The following CLCA1 variants were observed in gnomAD, a reference collection of about 807,000 sequenced individuals.
CLCA1 encodes the protein chloride channel accessory 1, also known as calcium-activated chloride channel regulator 1.
A neutral mutation model predicts 85.6 loss-of-function variants in CLCA1; 59 were observed. That is an observed-to-expected ratio of 0.69 (90% confidence interval 0.56 to 0.86). The LOEUF (loss-of-function observed/expected upper bound fraction) is 0.86. Among genes scored for constraint, CLCA1 ranks in the 40% least tolerant of loss-of-function variants. The probability of loss-of-function intolerance (pLI) is 0.00; values close to 1 mark genes in which losing one functional copy is unlikely to be tolerated. For missense variants in CLCA1, 1,022 were observed against 1,101.4 expected (o/e 0.93, Z 1.02); for synonymous variants, 396 against 398.3 (o/e 0.99, Z 0.07).
chr1:86,472,223 C>T (rs1334707282), intron 1 of CLCA1, among the ~76,000 whole-genome samples: 5 of 152,126 alleles, frequency 3.3e-5, no homozygotes, highest in East Asian at 1.9e-4. Context: ...ACCACTCTTA[C>T]GGAGCTGCTG....
Position 86,486,719 on chromosome 1 carries a change from C to T in CLCA1, c.1148C>T (p.Thr383Met), listed in dbSNP as rs375936173. 2.0e-5 allele frequency: 33 copies of T among 1,614,154 alleles called. No individual in the cohort carries two copies. Among genetic ancestry groups the T allele is most frequent in the Non-Finnish European group, 2.7e-5 (32 of 1,179,994 alleles). The change falls in exon 7 of 14, where the codon ACG (threonine) becomes ATG (methionine). Residue 383 changes from threonine to methionine, a missense_variant. By Grantham distance (81) the Thr-to-Met change is moderately conservative (BLOSUM62 -1). Coordinates refer to ENST00000394711, the MANE Select transcript of CLCA1 (RefSeq NM_001285.4). ...TTACCTGCAGCAGCTTCAGGAGGGA[C>T]GTCCATCTGCAGCGGGCTTCGATCG... ...KRLPAAASGGTSICSGLRSAF... is the reference protein window; with the variant it reads ...KRLPAAASGGMSICSGLRSAF...
intron 5 of CLCA1, among the ~76,000 whole-genome samples, chr1:86,482,843 A>G (rs1472541688): frequency 6.6e-6 from 1 of 152,182 alleles, no homozygotes; most frequent in Admixed American, 6.5e-5. Context: ...TACATTAGGG[A>G]GTTTACACAT....
chr1:86,498,465 G>A, intron 12 of CLCA1, 107 bp from the exon 13 acceptor site: 1 of 1,095,960 alleles, frequency 9.1e-7, no homozygotes, highest in Non-Finnish European at 1.3e-6. Context: ...TGGAAGGAAA[G>A]AAGCAGAAGT....
chr1:86,486,662 G>C lies in CLCA1; in HGVS notation c.1091G>C (p.Ser364Thr), dbSNP rs1274941700. The C allele has an allele frequency of 1.2e-6, 2 of 1,614,080 alleles. No individual in the cohort carries two copies. The highest frequency in any genetic ancestry group is 1.7e-6 in the Non-Finnish European group (2 of 1,180,026). Residue 364 changes from serine to threonine, a missense_variant, in exon 7 of 14, where the codon AGT (serine) becomes ACT (threonine). Physicochemically the swap from Ser to Thr is moderately conservative, Grantham distance 58. Coordinates refer to ENST00000394711, the MANE Select transcript of CLCA1 (RefSeq NM_001285.4). ...CAAAATGAACTCATACAGATAAACA[G>C]TGGCAGTGACAGGGACACACTCGCC... ...HVQNELIQINSGSDRDTLAKR... is the reference protein window; with the variant it reads ...HVQNELIQINTGSDRDTLAKR...
chr1:86,471,839 T>C (rs1350338629), intron 1 of CLCA1, among the ~76,000 whole-genome samples: 1 of 151,940 alleles, frequency 6.6e-6, no homozygotes, highest in Non-Finnish European at 1.5e-5. Flanking sequence ...GTTCTTTAAG[T>C]TTACCCCTTA....
chr1:86,495,818 C>A, intron 12 of CLCA1, 143 bp downstream of exon 12: 2 of 762,654 alleles, frequency 2.6e-6, no homozygotes, highest in Non-Finnish European at 2.0e-6. Context: ...GCCAGACAAT[C>A]CTTTGTTGTG....
At chr1:86,473,600 TA>T (rs1204867417) in intron 2 of CLCA1, 43 bp downstream of exon 2, 1 of 1,517,564 alleles carries the variant, frequency 6.6e-7, no homozygotes, top group East Asian at 2.3e-5. Context: ...CTTTCTCCTG[TA>T]ACCAAGATTT....
intron 5 of CLCA1, 145 bp downstream of exon 5, chr1:86,482,527 C>T (rs1038086001): frequency 1.6e-5 from 12 of 760,590 alleles, no homozygotes; most frequent in Non-Finnish European, 2.3e-5. Context: ...GTGTGCAAGT[C>T]AAGGATAAAG....
At chr1:86,486,807 A>G (rs2101740025) in intron 7 of CLCA1, 54 bp downstream of exon 7, 1 of 1,507,030 alleles carries the variant, frequency 6.6e-7, no homozygotes, top group South Asian at 1.1e-5. Flanking sequence ...ATGTTGCTTA[A>G]CAAACTTCCA....
chr1:86,485,648 A>G (rs1050654152), intron 6 of CLCA1, 87 bp downstream of exon 6: 2 of 1,200,248 alleles, frequency 1.7e-6, no homozygotes, highest in Non-Finnish European at 2.5e-6. Context: ...GCGAATAAAC[A>G]TAACCCGAGG....
chr1:86,487,160 C>T (rs1648004161), intron 7 of CLCA1, among the ~76,000 whole-genome samples: 1 of 152,176 alleles, frequency 6.6e-6, no homozygotes, highest in Non-Finnish European at 1.5e-5. Flanking sequence ...TATCAGTTCC[C>T]TGAAAGTGGT....
chr1:86,480,305 G>A (rs756939312), intron 4 of CLCA1, among the ~76,000 whole-genome samples: 1 of 152,114 alleles, frequency 6.6e-6, no homozygotes, highest in African/African-American at 2.4e-5. Context: ...GCTTAGTATT[G>A]TAGCACATAA....
In CLCA1 at chr1:86,489,072, G is replaced by T; in HGVS notation, c.1259G>T (p.Gly420Val). The change falls in exon 8 of 14, where the codon GGG (glycine) becomes GTG (valine). Residue 420 changes from glycine (G) to valine (V), a missense_variant. Coordinates refer to ENST00000394711, the MANE Select transcript of CLCA1 (RefSeq NM_001285.4). ...LTDGEDNTIS[G>V]CFNEVKQSGA... Reference sequence around the variant, plus strand: ...GATGGGGAAGACAACACTATAAGTGGGTGCTTTAACGAGGTCAAACAAAGT... The same window carrying T: ...GATGGGGAAGACAACACTATAAGTGTGTGCTTTAACGAGGTCAAACAAAGT... The T allele has an allele frequency of 6.2e-7, 1 of 1,614,042 alleles. No homozygotes were observed. Among genetic ancestry groups the T allele is most frequent in the Non-Finnish European group, 8.5e-7 (1 of 1,179,984 alleles).
At position 86,473,403 on chromosome 1, in the gene CLCA1, CT is replaced by C; in HGVS notation, c.163-9del. 1 of 1,513,504 alleles carries C rather than the reference CT, an allele frequency of 6.6e-7. No individual in the cohort carries two copies. Among genetic ancestry groups the C allele is most frequent in the Non-Finnish European group, 9.0e-7 (1 of 1,117,174 alleles). The allele number at this position is 1,513,504 out of a possible 1,614,324, so 93.8% of individuals were successfully genotyped here. A position where few individuals can be genotyped will look rare whatever the true frequency, so the allele number is the denominator to read the frequency against. ...TTCAGTCAATTGTTACGTATGTTTT[CT>C]TTTTCTTCCCAGGACATGGTGACCC... On this transcript the variant is annotated splice_polypyrimidine_tract_variant and intron_variant, in intron 1 of 13. Coordinates refer to ENST00000394711, the MANE Select transcript of CLCA1 (RefSeq NM_001285.4).
intron 4 of CLCA1, among the ~76,000 whole-genome samples, chr1:86,477,189 C>G (rs529839199): frequency 6.6e-4 from 101 of 152,264 alleles, no homozygotes; most frequent in Middle Eastern, 6.8e-3. Flanking sequence ...CTCCTGGACT[C>G]AAGAGATCCT....
chr1:86,496,375 T>C (rs1648286195), intron 12 of CLCA1, among the ~76,000 whole-genome samples: 1 of 152,136 alleles, frequency 6.6e-6, no homozygotes, highest in Admixed American at 6.5e-5. Context: ...CCAGGGAGCA[T>C]AGTAGATGAA....
chr1:86,498,222 G>A (rs1408887919), intron 12 of CLCA1, among the ~76,000 whole-genome samples: 1 of 148,264 alleles, frequency 6.7e-6, no homozygotes, highest in Non-Finnish European at 1.5e-5. Context: ...AACAGATGTA[G>A]TATTTAAACT....
chr1:86,491,200 C>T, intron 8 of CLCA1, 65 bp from the exon 9 acceptor site: 1 of 1,156,796 alleles, frequency 8.6e-7, no homozygotes, highest in Non-Finnish European at 1.3e-6. Context: ...CTCTAAACAA[C>T]AGCTAAAATG....
intron 3 of CLCA1, among the ~76,000 whole-genome samples, chr1:86,474,595 G>T (rs963840327): frequency 6.6e-6 from 1 of 151,738 alleles, no homozygotes; most frequent in Non-Finnish European, 1.5e-5. Flanking sequence ...ATTAGGTGTG[G>T]GATGGGACTC....
Sources: allele counts gnomAD v4.1 joint callset (sites outside exome capture counted in the v4.1 genomes callset), GRCh38; gene constraint gnomAD v4.1.1; transcripts MANE v1.5; gene names NCBI Gene and HGNC (gene_info 2026-07-23, HGNC 2026-07-21).